Variants in PTPRE observed in about 807,000 individuals in gnomAD.
PTPRE encodes protein tyrosine phosphatase receptor type E, also known as receptor-type tyrosine-protein phosphatase epsilon.
In PTPRE, 51 loss-of-function variants were observed where a neutral mutation model predicts 102.0. The observed-to-expected ratio is 0.50, with a 90% CI of 0.40 to 0.63. The LOEUF is 0.63. PTPRE is among the 30% of genes least tolerant of loss of function. The pLI, the probability that PTPRE is intolerant of heterozygous loss-of-function variation, is 0.00. For synonymous variants in PTPRE, 345 were observed against 348.2 expected (o/e 0.99, Z 0.10); for missense variants, 752 against 915.1 (o/e 0.82, Z 2.30).
chr10:127,998,343 C>A (rs983193248), intron 2 of PTPRE: 7 of 152,210 alleles, frequency 4.6e-5, no homozygotes, highest in Non-Finnish European at 8.8e-5. Flanking sequence ...GGGCATGCCA[C>A]CCAGGCTGCT....
At chr10:128,067,661 G>A (rs1431127053) in intron 11 of PTPRE, among the ~76,000 whole-genome samples, 1 of 152,244 alleles carries the variant, frequency 6.6e-6, no homozygotes, top group Admixed American at 6.5e-5. Flanking sequence ...GAGGCTCTGA[G>A]GGCAGGTCTG....
chr10:128,076,272 G>T (rs1285676588), intron 17 of PTPRE, among the ~76,000 whole-genome samples: 1 of 152,148 alleles, frequency 6.6e-6, no homozygotes, highest in Non-Finnish European at 1.5e-5. Flanking sequence ...AGAGCTGGGG[G>T]CACTCACATC....
chr10:128,036,190 G>C (rs1402734949), intron 2 of PTPRE, among the ~76,000 whole-genome samples: 1 of 151,698 alleles, frequency 6.6e-6, no homozygotes, highest in Non-Finnish European at 1.5e-5. Flanking sequence ...GTCTCCTGCC[G>C]AGCTCCCTTC....
At position 127,909,136 on chromosome 10, in the gene PTPRE, G is replaced by A. The variant is rs191642200; in HGVS notation, c.-31+1827G>A. 9.1e-4 allele frequency among the ~76,000 whole-genome samples: 138 copies of A among 152,288 alleles called. 1 individual carries two copies. The East Asian group carries it at 0.021, about 23-fold the overall frequency. On this transcript the variant is annotated intron_variant, in intron 1 of 20. Transcript: ENST00000254667. ...GCACCGCCACCTCCACGGAAGCCTG[G>A]AGGAGGTCCTGAAGCACTGTGCCCT...
intron 1 of PTPRE, among the ~76,000 whole-genome samples, chr10:127,938,243 A>G (rs1330047495): frequency 6.6e-6 from 1 of 152,210 alleles, no homozygotes; most frequent in Non-Finnish European, 1.5e-5. Flanking sequence ...GCAGCCCCTT[A>G]ATTAGGGGGA....
chr10:128,026,358 A>G (rs1264446892), intron 2 of PTPRE, among the ~76,000 whole-genome samples: 1 of 152,244 alleles, frequency 6.6e-6, no homozygotes, highest in African/African-American at 2.4e-5. Context: ...AGCACAAAGC[A>G]GTATTTATCC....
intron 12 of PTPRE, chr10:128,069,301 A>G (rs1025085521): frequency 6.0e-6 from 1 of 167,572 alleles, no homozygotes; most frequent in African/African-American, 2.4e-5. Flanking sequence ...AGTTTGACAG[A>G]GAGGGAGGCT....
At chr10:127,981,350 G>T (rs191216037) in intron 1 of PTPRE, among the ~76,000 whole-genome samples, 5 of 152,226 alleles carry the variant, frequency 3.3e-5, no homozygotes, top group Middle Eastern at 3.4e-3. Flanking sequence ...TGGGTGTGGG[G>T]TTTCTTTTTG....
At chr10:127,971,573 C>T (rs150071931) in intron 1 of PTPRE, among the ~76,000 whole-genome samples, 1 of 152,334 alleles carries the variant, frequency 6.6e-6, no homozygotes, top group Non-Finnish European at 1.5e-5. Flanking sequence ...ATTCCACTTC[C>T]TTTAGAGAAT....
chr10:128,038,898 T>C (rs1004331439), intron 2 of PTPRE, among the ~76,000 whole-genome samples: 1 of 152,222 alleles, frequency 6.6e-6, no homozygotes, highest in African/African-American at 2.4e-5. Context: ...TTGCTGGTCA[T>C]GTCAGGAAAA....
chr10:128,070,014 T>G lies in PTPRE; in HGVS notation c.1143+187T>G. ...CTCAGGGACTCCCTCGTCCTCATCT[T>G]TCCCTCGTATCCTCATGTGAGATGG... On this transcript the variant is annotated intron_variant, in intron 13 of 20. Coordinates refer to ENST00000254667, the MANE Select transcript of PTPRE (RefSeq NM_006504.6). This position sits in a 1 kb window ranked among gnomAD's most constrained non-coding sequence, Gnocchi z 4.8. The G allele has an allele frequency of 2.4e-6, 2 of 829,940 alleles. No homozygotes were observed. Among genetic ancestry groups the G allele is most frequent in the Middle Eastern group, 2.8e-4 (1 of 3,516 alleles). 51.4% of individuals were successfully genotyped at this position (829,940 alleles called of 1,614,324 possible).
chr10:128,033,738 G>A lies in PTPRE; in HGVS notation c.-7-7137G>A, dbSNP rs1423324938. ...CGGCTCATTGCAACCTCCGCCTCCC[G>A]GGTTCAAGCGATTCTCCTGTCTCAG... is the stretch of plus-strand genomic sequence containing the variant. On this transcript the variant is annotated intron_variant, in intron 2 of 20. Transcript: ENST00000254667. 2.6e-5 allele frequency among the ~76,000 whole-genome samples: 4 copies of A among 152,288 alleles called. No homozygotes were observed. In the East Asian group the frequency reaches 7.7e-4, roughly 29 times the overall value.
At position 128,069,710 on chromosome 10, in the gene PTPRE, G is replaced by T. The variant is rs749561947; in HGVS notation, c.1026G>T (p.Thr342=). ...CCCAAAGCGCGGGCGTGGGCCGGAC[G>T]GGCACCTTCATTGTGATCGATGCCA... ...VVHCSAGVGR[T]GTFIVIDAMM... Residue 342 remains threonine (T), a synonymous_variant, in exon 13 of 21, where the codon ACG becomes ACT. Coordinates refer to ENST00000254667, the MANE Select transcript of PTPRE (RefSeq NM_006504.6). 1.2e-6 allele frequency: 2 copies of T among 1,614,172 alleles called. No homozygotes were observed. The highest frequency in any genetic ancestry group is 1.1e-5 in the South Asian group (1 of 91,084).
rs998164702 is a variant in PTPRE, at chr10:128,084,848, G to A, written c.*1942G>A. 10 of 169,112 alleles carry A rather than the reference G, an allele frequency of 5.9e-5. No individual in the cohort carries two copies. Among genetic ancestry groups the A allele is most frequent in the African/African-American group, 1.2e-4 (5 of 42,184 alleles). The allele number at this position is 169,112 out of a possible 1,614,324, so 10.5% of individuals were successfully genotyped here. On this transcript the variant is annotated 3_prime_UTR_variant, in exon 21 of 21. Coordinates refer to ENST00000254667, the MANE Select transcript of PTPRE (RefSeq NM_006504.6). ...TATTTGAGAGTTCGAAGTCAAAGTC[G>A]AGGGGCACCGGCTTTGGTTCATGTC...
intron 2 of PTPRE, among the ~76,000 whole-genome samples, chr10:127,986,015 T>C (rs1258994986): frequency 1.3e-5 from 2 of 151,972 alleles, no homozygotes; most frequent in African/African-American, 4.8e-5. Flanking sequence ...TGCTTAAACC[T>C]TGGAGGCGGA....
chr10:128,072,522 G>A (rs1415180214), intron 16 of PTPRE: 2 of 227,192 alleles, frequency 8.8e-6, no homozygotes, highest in African/African-American at 2.3e-5. Flanking sequence ...CGTGATGGCA[G>A]GTGCCTGTAA....
intron 5 of PTPRE, among the ~76,000 whole-genome samples, chr10:128,048,658 A>T (rs1249277818): frequency 6.6e-6 from 1 of 152,152 alleles, no homozygotes; most frequent in Non-Finnish European, 1.5e-5. Context: ...CCCTCGTTCC[A>T]GTCCCCGGTT....
At chr10:127,997,473 C>T (rs552556362) in intron 2 of PTPRE, among the ~76,000 whole-genome samples, 131 of 152,306 alleles carry the variant, frequency 8.6e-4, no homozygotes, top group African/African-American at 2.5e-3. Context: ...CAGTTCAGCA[C>T]TTGAATAGTA....
chr10:127,987,428 T>C, intron 2 of PTPRE: 1 of 1,074,298 alleles, frequency 9.3e-7, no homozygotes, highest in Non-Finnish European at 1.2e-6. Context: ...CTTTCTTGTC[T>C]CTTTGGTTTT....
Sources: allele counts gnomAD v4.1 joint callset (sites outside exome capture counted in the v4.1 genomes callset), GRCh38; gene constraint gnomAD v4.1.1; non-coding constraint Gnocchi (gnomAD v3.1); transcripts MANE v1.5; gene names NCBI Gene and HGNC (gene_info 2026-07-23, HGNC 2026-07-21).